The following ANKRD11 variants were observed in gnomAD, a reference collection of about 807,000 sequenced individuals.
The protein encoded by ANKRD11 is ankyrin repeat domain 11.
ANKRD11 carries 17 observed loss-of-function variants against 195.7 expected under a neutral mutation model. The observed-to-expected ratio is 0.09, with a 90% confidence interval of 0.06 to 0.13. The LOEUF is 0.13. ANKRD11 is among the 10% of genes least tolerant of loss of function. The probability of loss-of-function intolerance (pLI) is 1.00; values close to 1 mark genes in which losing one functional copy is unlikely to be tolerated. For missense variants in ANKRD11, 3,735 were observed against 3,566.1 expected, an observed-to-expected ratio of 1.05 and a Z score of -1.21; for synonymous variants, 1,953 against 1,528.1, an observed-to-expected ratio of 1.28 and a Z score of -6.49.
chr16:89,463,948 CAACGCTAACGCCAGGCACAGTGGTTCA>C (rs1229372015), intron 1 of ANKRD11, among the ~76,000 whole-genome samples: 1 of 152,182 alleles, frequency 6.6e-6, no homozygotes, highest in Non-Finnish European at 1.5e-5. Flanking sequence ...TATTAGACCA[CAACGCTAACGCCAGGCACAGTGGTTCA>C]CACCTGTAAT....
At chr16:89,416,500 T>G (rs543124064) in intron 2 of ANKRD11, among the ~76,000 whole-genome samples, 15 of 152,190 alleles carry the variant, frequency 9.9e-5, no homozygotes, top group Non-Finnish European at 1.8e-4. Context: ...GGTTTCACCA[T>G]GTTGGCAGGC....
intron 1 of ANKRD11, among the ~76,000 whole-genome samples, chr16:89,463,591 T>G (rs986719236): frequency 2.6e-5 from 4 of 152,096 alleles, no homozygotes; most frequent in Non-Finnish European, 4.4e-5. Context: ...ACTTGTTTAT[T>G]TGCTGACCTT....
At chr16:89,450,980 TC>T (rs1303835723) in intron 1 of ANKRD11, among the ~76,000 whole-genome samples, 15 of 152,142 alleles carry the variant, frequency 9.9e-5, no homozygotes, top group African/African-American at 3.6e-4. Flanking sequence ...TCAGAGGTGA[TC>T]GGGGTGATCA....
intron 2 of ANKRD11, among the ~76,000 whole-genome samples, chr16:89,318,371 T>C (rs759848315): frequency 5.9e-5 from 9 of 152,214 alleles, no homozygotes; most frequent in Non-Finnish European, 1.2e-4. Flanking sequence ...CCCCCCATCA[T>C]GTCCTCGCCG....
intron 2 of ANKRD11, among the ~76,000 whole-genome samples, chr16:89,399,739 C>T (rs1340099720): frequency 1.3e-5 from 2 of 152,134 alleles, no homozygotes; most frequent in East Asian, 1.9e-4. Context: ...CCCAGGGGTG[C>T]GGGGGAACCC....
intron 2 of ANKRD11, among the ~76,000 whole-genome samples, chr16:89,380,376 T>A (rs369924496): frequency 1.9e-4 from 29 of 152,284 alleles, no homozygotes; most frequent in African/African-American, 6.7e-4. Flanking sequence ...CCTCCCAAAG[T>A]GCTGGGATTA....
intron 2 of ANKRD11, among the ~76,000 whole-genome samples, chr16:89,329,513 T>C (rs1375539197): frequency 1.3e-5 from 2 of 152,206 alleles, no homozygotes; most frequent in Non-Finnish European, 2.9e-5. Context: ...CAAAACCCAC[T>C]GAGCTGTAAA....
chr16:89,296,161 C>T (rs982944855), intron 4 of ANKRD11, among the ~76,000 whole-genome samples: 2 of 151,704 alleles, frequency 1.3e-5, no homozygotes, highest in Admixed American at 1.3e-4. Flanking sequence ...CTTTTAACAT[C>T]CTCCCTTTGC....
At chr16:89,316,103 GGACGACAGC>G (rs1451799875) in intron 3 of ANKRD11, among the ~76,000 whole-genome samples, 1 of 152,092 alleles carries the variant, frequency 6.6e-6, no homozygotes, top group East Asian at 1.9e-4. Context: ...GAGGATCAAA[GGACGACAGC>G]GACAGGATGG....
At chr16:89,346,243 G>A (rs1216897203) in intron 2 of ANKRD11, among the ~76,000 whole-genome samples, 4 of 121,406 alleles carry the variant, frequency 3.3e-5, no homozygotes, top group Non-Finnish European at 5.1e-5. Flanking sequence ...GGGAGACCCC[G>A]TCTCAGGAAA....
intron 2 of ANKRD11, among the ~76,000 whole-genome samples, chr16:89,416,782 A>T (rs2042328649): frequency 6.6e-6 from 1 of 151,294 alleles, no homozygotes; most frequent in Non-Finnish European, 1.5e-5. Context: ...AAAAAAAAAA[A>T]TTAAAAAAAG....
In ANKRD11 at chr16:89,285,915, G is replaced by T; in HGVS notation, c.892+124C>A. 2 of 1,493,626 alleles carry T rather than the reference G, an allele frequency of 1.3e-6. No individual in the cohort carries two copies. The highest frequency in any genetic ancestry group is 1.8e-6 in the Non-Finnish European group (2 of 1,084,824). 92.5% of individuals were successfully genotyped at this position (1,493,626 alleles called of 1,614,324 possible). The stretch of plus-strand genomic sequence containing the variant: ...GGGCGGGGTCTCCCGCAGTCCAGAA[G>T]CTCCTGTAAGCCCCCAGCATCCGAG... On this transcript the variant is annotated intron_variant, in intron 8 of 12. Coordinates refer to ENST00000301030, the MANE Select transcript of ANKRD11 (RefSeq NM_013275.6). This position sits in a 1 kb window ranked among gnomAD's most constrained non-coding sequence, Gnocchi z 5.6.
chr16:89,373,949 G>C (rs1290756931), intron 2 of ANKRD11, among the ~76,000 whole-genome samples: 1 of 152,230 alleles, frequency 6.6e-6, no homozygotes, highest in Non-Finnish European at 1.5e-5. Context: ...CCACCAAGCG[G>C]GCTGGGGCCC....
chr16:89,336,881 T>A (rs1172781426), intron 2 of ANKRD11, among the ~76,000 whole-genome samples: 1 of 151,754 alleles, frequency 6.6e-6, no homozygotes, highest in Non-Finnish European at 1.5e-5. Context: ...ATCCCAGCAC[T>A]CTGGGAGGCT....
chr16:89,419,221 G>A (rs1166435182), intron 1 of ANKRD11, among the ~76,000 whole-genome samples: 1 of 151,948 alleles, frequency 6.6e-6, no homozygotes, highest in Non-Finnish European at 1.5e-5. Flanking sequence ...GGAGGCCGAG[G>A]TGGGCGGATC....
chr16:89,383,898 C>A (rs895389454), intron 2 of ANKRD11, among the ~76,000 whole-genome samples: 9 of 152,214 alleles, frequency 5.9e-5, no homozygotes, highest in African/African-American at 1.2e-4. Flanking sequence ...CACAAACACC[C>A]GCTAGGGCCT....
Position 89,345,974 on chromosome 16 carries a change from G to A in ANKRD11, c.-59-28896C>T, listed in dbSNP as rs2038918587. On this transcript the variant is annotated intron_variant, in intron 2 of 12. Transcript: ENST00000301030. ...AATCAACAGAACAGGCCAGACACAGGCTCATGCCTGTAATCCCAGCACTTT... is the reference window on the plus strand; with the variant it reads ...AATCAACAGAACAGGCCAGACACAGACTCATGCCTGTAATCCCAGCACTTT... 2.6e-5 allele frequency among the ~76,000 whole-genome samples: 4 copies of A among 152,124 alleles called. 1 individual carries two copies. The South Asian group carries it at 8.3e-4, about 32-fold the overall frequency.
intron 2 of ANKRD11, among the ~76,000 whole-genome samples, chr16:89,391,227 CAAAAAAAA>C (rs35753411): frequency 1.0e-5 from 1 of 95,338 alleles, no homozygotes; most frequent in Non-Finnish European, 2.2e-5. Context: ...GACTCTGTCT[CAAAAAAAA>C]AAAAAAAAAA....
chr16:89,378,098 C>G (rs768980252), intron 2 of ANKRD11, among the ~76,000 whole-genome samples: 1 of 152,036 alleles, frequency 6.6e-6, no homozygotes, highest in African/African-American at 2.4e-5. Flanking sequence ...ACTTATAATC[C>G]CAGTGCACTG....
Sources: gnomAD v4.1 joint callset for allele counts (sites outside exome capture counted in the v4.1 genomes callset) on GRCh38, gnomAD v4.1.1 for gene constraint, Gnocchi (gnomAD v3.1) non-coding constraint, MANE v1.5 for transcripts, NCBI Gene and HGNC (gene_info 2026-07-23, HGNC 2026-07-21) for gene names.